Variants in CCDC91 observed in about 807,000 individuals in gnomAD.
CCDC91 encodes the protein coiled-coil domain-containing protein 91.
A neutral mutation model predicts 63.2 loss-of-function variants in CCDC91; 48 were observed. That is an observed-to-expected ratio of 0.76 (90% confidence interval 0.60 to 0.97). The LOEUF (loss-of-function observed/expected upper bound fraction) is 0.97, where lower values mean the gene tolerates loss of function less well. CCDC91 is among the 50% of genes least tolerant of loss of function. The probability of loss-of-function intolerance (pLI) is 0.00; values close to 1 mark genes in which losing one functional copy is unlikely to be tolerated. For missense variants in CCDC91, 500 were observed against 494.6 expected (o/e 1.01, Z -0.10); for synonymous variants, 167 against 165.8 (o/e 1.01, Z -0.06).
At chr12:28,425,031 G>T (rs530412377) in intron 8 of CCDC91, among the ~76,000 whole-genome samples, 1 of 151,980 alleles carries the variant, frequency 6.6e-6, no homozygotes, top group Admixed American at 6.6e-5. Context: ...TCCAGATCCT[G>T]GTTAAAAACC....
At chr12:28,449,486 A>G (rs1949694113) in intron 8 of CCDC91, among the ~76,000 whole-genome samples, 1 of 152,046 alleles carries the variant, frequency 6.6e-6, no homozygotes, top group Non-Finnish European at 1.5e-5. Context: ...AAAGTTGAAT[A>G]TTCTCAGAAA....
intron 11 of CCDC91, among the ~76,000 whole-genome samples, chr12:28,459,396 G>C (rs920940340): frequency 1.3e-5 from 2 of 152,050 alleles, no homozygotes; most frequent in East Asian, 1.9e-4. Flanking sequence ...TAATATATAG[G>C]ACCAGCACTG....
chr12:28,521,754 C>A (rs1369665370), intron 12 of CCDC91, among the ~76,000 whole-genome samples: 1 of 152,080 alleles, frequency 6.6e-6, no homozygotes, highest in Non-Finnish European at 1.5e-5. Flanking sequence ...CCCATCAATA[C>A]CTAATTTACT....
At chr12:28,267,874 T>A (rs1308320028) in intron 3 of CCDC91, among the ~76,000 whole-genome samples, 12 of 74,200 alleles carry the variant, frequency 1.6e-4, no homozygotes, top group South Asian at 1.1e-3. Flanking sequence ...TATATATAAT[T>A]ATATATAATT....
At chr12:28,299,598 A>G (rs1937816239) in intron 3 of CCDC91, among the ~76,000 whole-genome samples, 3 of 151,610 alleles carry the variant, frequency 2.0e-5, no homozygotes, top group Admixed American at 2.0e-4. Context: ...AACTGTATTA[A>G]AACCTATATT....
chr12:28,333,256 G>T (rs1354694381), intron 6 of CCDC91, among the ~76,000 whole-genome samples: 1 of 151,898 alleles, frequency 6.6e-6, no homozygotes, highest in Admixed American at 6.6e-5. Context: ...TTAGCCAGGA[G>T]TGGTGGCAAG....
chr12:28,463,491 A>G (rs1031310495), intron 11 of CCDC91, among the ~76,000 whole-genome samples: 6 of 152,220 alleles, frequency 3.9e-5, no homozygotes, highest in Non-Finnish European at 5.9e-5. Context: ...GAAAAAGTCT[A>G]AACATAAGAA....
At chr12:28,383,839 A>T (rs1051418391) in intron 7 of CCDC91, among the ~76,000 whole-genome samples, 1 of 152,154 alleles carries the variant, frequency 6.6e-6, no homozygotes, top group Non-Finnish European at 1.5e-5. Flanking sequence ...CTCTAATACA[A>T]CCATGTACCT....
chr12:28,536,036 A>T (rs554144175), intron 12 of CCDC91, among the ~76,000 whole-genome samples: 106 of 151,278 alleles, frequency 7.0e-4, no homozygotes, highest in Middle Eastern at 3.4e-3. Flanking sequence ...CTCAAAAAAA[A>T]AAAAAAATAT....
chr12:28,403,962 T>C (rs1389645844), intron 8 of CCDC91, among the ~76,000 whole-genome samples: 1 of 152,118 alleles, frequency 6.6e-6, no homozygotes, highest in Non-Finnish European at 1.5e-5. Context: ...TTACTGATCT[T>C]TTCAAACAAC....
Position 28,450,189 on chromosome 12 carries a change from C to G in CCDC91, c.791C>G (p.Thr264Arg). The change falls in exon 9 of 13, where the codon ACA becomes AGA. Residue 264 changes from threonine (T) to arginine (R), a missense_variant. By Grantham distance (71) the Thr-to-Arg change is moderately conservative (BLOSUM62 -1). Coordinates refer to ENST00000536442, the MANE Select transcript of CCDC91 (RefSeq NM_018318.5). The part of the protein sequence containing the change: ...QHQRLLEMLD[T>R]EKELLKEKIK... ...CAGAGGCTCCTTGAAATGCTAGATA[C>G]AGAGAAGGAACTGTTAAAAGAAAAA... is the stretch of plus-strand genomic sequence containing the variant. The G allele has an allele frequency of 6.2e-7, 1 of 1,607,868 alleles. No homozygotes were observed. Among genetic ancestry groups the G allele is most frequent in the Non-Finnish European group, 8.5e-7 (1 of 1,176,660 alleles).
At chr12:28,391,973 T>C (rs544089583) in intron 8 of CCDC91, among the ~76,000 whole-genome samples, 1 of 152,286 alleles carries the variant, frequency 6.6e-6, no homozygotes, top group Admixed American at 6.5e-5. Context: ...GATATAAAAT[T>C]TGGAATGTGA....
chr12:28,404,693 C>G (rs1421537216), intron 8 of CCDC91, among the ~76,000 whole-genome samples: 1 of 152,046 alleles, frequency 6.6e-6, no homozygotes, highest in Non-Finnish European at 1.5e-5. Flanking sequence ...GACATACATA[C>G]TAAGTATTGC....
intron 1 of CCDC91, chr12:28,236,124 T>C (rs1456922801): frequency 6.6e-6 from 1 of 152,148 alleles, no homozygotes; most frequent in African/African-American, 2.4e-5. Context: ...ATGCTGAGAA[T>C]AGATCAAAGT....
At chr12:28,339,936 A>T (rs1942292005) in intron 6 of CCDC91, among the ~76,000 whole-genome samples, 1 of 152,210 alleles carries the variant, frequency 6.6e-6, no homozygotes, top group African/African-American at 2.4e-5. Flanking sequence ...TGAGGATCAA[A>T]TCACTGTATT....
At chr12:28,455,952 A>G (rs1209447644) in intron 11 of CCDC91, among the ~76,000 whole-genome samples, 1 of 152,128 alleles carries the variant, frequency 6.6e-6, no homozygotes. Context: ...AGAGGAGTCA[A>G]CAGTCAGTAT....
intron 11 of CCDC91, among the ~76,000 whole-genome samples, chr12:28,465,082 C>T (rs2140517355): frequency 6.6e-6 from 1 of 152,288 alleles, no homozygotes; most frequent in African/African-American, 2.4e-5. Context: ...CAGTACTTCA[C>T]ATAGGCCTGA....
intron 3 of CCDC91, among the ~76,000 whole-genome samples, chr12:28,279,601 C>T (rs773985783): frequency 1.3e-5 from 2 of 152,118 alleles, no homozygotes; most frequent in Admixed American, 6.6e-5. Context: ...TCCCACTCCT[C>T]ACTTTCCTGA....
intron 8 of CCDC91, among the ~76,000 whole-genome samples, chr12:28,400,381 A>T (rs114510352): frequency 0.013 from 1,712 of 135,166 alleles, 34 homozygotes; most frequent in African/African-American, 0.044. Flanking sequence ...GGCCCAGGAA[A>T]CTATTTTTCC....
Sources: gnomAD v4.1 joint callset for allele counts (sites outside exome capture counted in the v4.1 genomes callset) on GRCh38, gnomAD v4.1.1 for gene constraint, MANE v1.5 for transcripts, NCBI Gene and HGNC (gene_info 2026-07-23, HGNC 2026-07-21) for gene names.